The following FEZ1 variants were observed in gnomAD, a reference collection of about 807,000 sequenced individuals.
The protein encoded by FEZ1 is fasciculation and elongation protein zeta 1.
FEZ1 carries 20 observed loss-of-function variants against 49.3 expected under a neutral mutation model. The observed-to-expected ratio is 0.41, with a 90% CI of 0.29 to 0.59. The LOEUF (loss-of-function observed/expected upper bound fraction) is 0.59. Ranked by LOEUF, FEZ1 falls within the 20% of genes least tolerant of loss-of-function variation. The probability of loss-of-function intolerance (pLI) is 0.36; values close to 1 mark genes in which losing one functional copy is unlikely to be tolerated. For synonymous variants in FEZ1, 170 were observed against 180.9 expected (o/e 0.94, Z 0.48); for missense variants, 413 against 476.0 (o/e 0.87, Z 1.23).
At chr11:125,453,974 C>A in intron 7 of FEZ1, 156 bp downstream of exon 7, 6 of 409,484 alleles carry the variant, frequency 1.5e-5, no homozygotes, top group Admixed American at 4.3e-5. Context: ...AAGATATTCT[C>A]TGTTCCTCCT....
chr11:125,462,188 TGGAG>T (rs1957082268), intron 4 of FEZ1, among the ~76,000 whole-genome samples: 1 of 152,234 alleles, frequency 6.6e-6, no homozygotes, highest in Non-Finnish European at 1.5e-5. Flanking sequence ...AGGCTGCCAG[TGGAG>T]CTTTGCAGAA....
intron 3 of FEZ1, among the ~76,000 whole-genome samples, chr11:125,472,701 T>A (rs185080604): frequency 2.0e-5 from 3 of 152,182 alleles, no homozygotes; most frequent in African/African-American, 7.2e-5. Flanking sequence ...GAGGATAATT[T>A]CCAACTTATT....
intron 3 of FEZ1, among the ~76,000 whole-genome samples, chr11:125,477,856 C>A (rs1158780930): frequency 5.4e-4 from 76 of 141,404 alleles, no homozygotes; most frequent in African/African-American, 4.6e-4. Context: ...GAGCTTTATG[C>A]AAAAAAAAAA....
chr11:125,475,342 A>G (rs1957221767), intron 3 of FEZ1, among the ~76,000 whole-genome samples: 1 of 151,888 alleles, frequency 6.6e-6, no homozygotes, highest in Non-Finnish European at 1.5e-5. Context: ...AAGATGCTCA[A>G]TATTCTATGT....
chr11:125,467,065 G>A (rs1038146239), intron 3 of FEZ1, among the ~76,000 whole-genome samples: 12 of 146,878 alleles, frequency 8.2e-5, no homozygotes, highest in South Asian at 2.1e-4. Context: ...ACAGGATCTC[G>A]CTGTGTCACA....
chr11:125,469,555 C>A (rs1001167070), intron 3 of FEZ1, among the ~76,000 whole-genome samples: 1 of 152,046 alleles, frequency 6.6e-6, no homozygotes, highest in Non-Finnish European at 1.5e-5. Context: ...CTATCACCAG[C>A]CATTTTTTTT....
In FEZ1 at chr11:125,454,152, C is replaced by A; in HGVS notation, c.998G>T (p.Gly333Val). 3.7e-6 allele frequency: 6 copies of A among 1,613,390 alleles called. No individual in the cohort carries two copies. The highest frequency in any genetic ancestry group is 5.1e-6 in the Non-Finnish European group (6 of 1,179,694). Residue 333 changes from glycine to valine, a missense_variant, in exon 7 of 10, where the codon GGC (glycine) becomes GTC (valine). Physicochemically the swap from Gly to Val is moderately radical, Grantham distance 109. Coordinates refer to ENST00000278919, the MANE Select transcript of FEZ1 (RefSeq NM_005103.5). ...TACCTGTTTGTCAGTTCCTGAGGAG[C>A]CAAAGGTCTGGCGGATGCCACTCTG... is the stretch of plus-strand genomic sequence containing the variant. ...ILQSGIRQTFGSSGTDKQYLN... is the reference protein window; with the variant it reads ...ILQSGIRQTFVSSGTDKQYLN...
intron 3 of FEZ1, among the ~76,000 whole-genome samples, chr11:125,468,723 T>C (rs1957156581): frequency 6.6e-6 from 1 of 152,086 alleles, no homozygotes; most frequent in Admixed American, 6.5e-5. Context: ...AGGGTTAAAC[T>C]TGGCGAGAGC....
At chr11:125,487,407 C>T (rs1183650570) in intron 2 of FEZ1, among the ~76,000 whole-genome samples, 1 of 152,172 alleles carries the variant, frequency 6.6e-6, no homozygotes, top group Non-Finnish European at 1.5e-5. Flanking sequence ...CAAGGTCACA[C>T]AGCGAGTTAG....
intron 1 of FEZ1, among the ~76,000 whole-genome samples, chr11:125,491,765 A>G (rs1591605020): frequency 1.3e-5 from 2 of 152,356 alleles, no homozygotes; most frequent in East Asian, 3.9e-4. Context: ...TGCTGGGATT[A>G]AGTTGATTAC....
At chr11:125,479,225 T>C (rs763535317) in intron 3 of FEZ1, among the ~76,000 whole-genome samples, 3 of 152,200 alleles carry the variant, frequency 2.0e-5, no homozygotes, top group African/African-American at 4.8e-5. Flanking sequence ...AGGATATATA[T>C]GGCTACATTT....
rs368554565 is a variant in FEZ1, at chr11:125,468,305, G to C, written c.412-4735C>G. On this transcript the variant is annotated intron_variant, in intron 3 of 9. Coordinates refer to ENST00000278919, the MANE Select transcript of FEZ1 (RefSeq NM_005103.5). The stretch of plus-strand genomic sequence containing the variant: ...CAATTCTTCCACCTCAGCCTCCCAA[G>C]TAGCTAGGAACATAGGTGCACACCA... Among the ~76,000 whole-genome samples, 46 of 152,012 alleles carry C rather than the reference G, an allele frequency of 3.0e-4. 1 individual carries two copies. Among genetic ancestry groups the C allele is most frequent in the South Asian group, 2.3e-3 (11 of 4,806 alleles).
intron 3 of FEZ1, among the ~76,000 whole-genome samples, chr11:125,464,634 G>A (rs901603478): frequency 3.3e-5 from 5 of 152,156 alleles, no homozygotes; most frequent in Non-Finnish European, 7.3e-5. Flanking sequence ...AACTTCTCCC[G>A]TCTTCTGTGA....
At chr11:125,449,777 G>T (rs369800825) in intron 8 of FEZ1, among the ~76,000 whole-genome samples, 5 of 152,150 alleles carry the variant, frequency 3.3e-5, no homozygotes, top group Admixed American at 3.3e-4. Flanking sequence ...ACTTCATTTC[G>T]ATATCCTTGT....
chr11:125,493,468 A>AAG (rs1591606626), intron 1 of FEZ1, among the ~76,000 whole-genome samples: 5 of 77,530 alleles, frequency 6.4e-5, no homozygotes, highest in African/African-American at 1.4e-4. Context: ...GAAAGAAGGA[A>AAG]AGAAGGAAAG....
chr11:125,489,231 G>T lies in FEZ1; in HGVS notation c.311+236C>A, dbSNP rs1957357284. 2 of 1,171,406 alleles carry T rather than the reference G, an allele frequency of 1.7e-6. No homozygotes were observed. Among genetic ancestry groups the T allele is most frequent in the African/African-American group, 3.2e-5 (2 of 63,222 alleles). The allele number at this position is 1,171,406 out of a possible 1,614,324, so 72.6% of individuals were successfully genotyped here. On this transcript the variant is annotated intron_variant, in intron 2 of 9. Coordinates refer to ENST00000278919, the MANE Select transcript of FEZ1 (RefSeq NM_005103.5). The surrounding 1 kb of genome is among the most constrained non-coding windows in gnomAD (Gnocchi z 4.2). Reference sequence around the variant, plus strand: ...TACTGTGCTCCTGAAATTCCATTTTGTATCTAGGAAAACCTTCATTCCTCT... The same window carrying T: ...TACTGTGCTCCTGAAATTCCATTTTTTATCTAGGAAAACCTTCATTCCTCT...
chr11:125,470,572 A>G (rs533775464), intron 3 of FEZ1, among the ~76,000 whole-genome samples: 2 of 152,360 alleles, frequency 1.3e-5, no homozygotes, highest in South Asian at 4.1e-4. Context: ...CAATCTGGAC[A>G]AAATCTATGA....
At chr11:125,453,216 C>T (rs1048557888) in intron 7 of FEZ1, 1 of 152,250 alleles carries the variant, frequency 6.6e-6, no homozygotes, top group South Asian at 2.1e-4. Context: ...CTCGGCCTCC[C>T]AAAGTGCTGG....
At chr11:125,493,427 AAAGAAGGAAAGAAGGAAAGAAG>A (rs1565307012) in intron 1 of FEZ1, among the ~76,000 whole-genome samples, 38 of 34,360 alleles carry the variant, frequency 1.1e-3, no homozygotes, top group African/African-American at 3.8e-3. Context: ...AGAAAGAAGG[AAAGAAGGAAAGAAGGAAAGAAG>A]GAAAGAAGGA....
Sources: gnomAD v4.1 joint callset for allele counts (sites outside exome capture counted in the v4.1 genomes callset) on GRCh38, gnomAD v4.1.1 for gene constraint, Gnocchi (gnomAD v3.1) non-coding constraint, MANE v1.5 for transcripts, NCBI Gene and HGNC (gene_info 2026-07-23, HGNC 2026-07-21) for gene names.